Variants in PTPRG observed in about 807,000 individuals in gnomAD.
PTPRG encodes receptor-type tyrosine-protein phosphatase gamma.
A neutral mutation model predicts 165.3 loss-of-function variants in PTPRG; 102 were observed. The ratio of observed to expected loss-of-function variants is 0.62; its 90% confidence interval spans 0.53 to 0.73. The LOEUF is 0.73. PTPRG is among the 30% of genes least tolerant of loss of function. The pLI, the probability that PTPRG is intolerant of heterozygous loss-of-function variation, is 0.00. For missense variants in PTPRG, 1,866 were observed against 1,861.4 expected (o/e 1.00, Z -0.05); for synonymous variants, 675 against 669.5 (o/e 1.01, Z -0.13).
intron 17 of PTPRG, among the ~76,000 whole-genome samples, chr3:62,266,220 T>TTGCC (rs1701869940): frequency 6.6e-6 from 1 of 152,156 alleles, no homozygotes; most frequent in Non-Finnish European, 1.5e-5. Flanking sequence ...TCTGGGCACA[T>TTGCC]TGCCTGCCTT....
chr3:61,572,466 C>T (rs1274149428), intron 1 of PTPRG, among the ~76,000 whole-genome samples: 1 of 152,090 alleles, frequency 6.6e-6, no homozygotes, highest in Non-Finnish European at 1.5e-5. Flanking sequence ...AAAGGACAGG[C>T]ATTTATTTGG....
chr3:62,071,535 G>A (rs868777072), intron 4 of PTPRG, among the ~76,000 whole-genome samples: 12 of 152,034 alleles, frequency 7.9e-5, no homozygotes, highest in South Asian at 2.1e-4. Flanking sequence ...CTTTTATTTC[G>A]TGATACACTC....
rs144293338 is a variant in PTPRG at position 61,850,061 on chromosome 3, C to CT, written c.190+101080dup. Among the ~76,000 whole-genome samples the CT allele has an allele frequency of 8.5e-3, 1,298 of 152,278 alleles. 16 individuals are homozygous for CT. Among genetic ancestry groups the CT allele is most frequent in the Non-Finnish European group, 0.014 (982 of 68,012 alleles). On this transcript the variant is annotated intron_variant, in intron 2 of 29. Transcript: ENST00000474889. ...TTCTCCCCTTCTTCTCAAATAAAAGCTAGCACTAGTTTTGTGCATATACTA... is the reference window on the plus strand; with the variant it reads ...TTCTCCCCTTCTTCTCAAATAAAAGCTTAGCACTAGTTTTGTGCATATACTA...
At chr3:62,046,322 G>A (rs975785044) in intron 4 of PTPRG, among the ~76,000 whole-genome samples, 3 of 152,176 alleles carry the variant, frequency 2.0e-5, no homozygotes, top group African/African-American at 7.2e-5. Context: ...CGTGTGTGGG[G>A]ATGGACCCTC....
chr3:61,680,504 A>T (rs1703394664), intron 1 of PTPRG, among the ~76,000 whole-genome samples: 1 of 109,418 alleles, frequency 9.1e-6, no homozygotes, highest in Non-Finnish European at 2.2e-5. Flanking sequence ...GCTTTATGAA[A>T]AAAAAAAAAA....
intron 5 of PTPRG, among the ~76,000 whole-genome samples, chr3:62,119,068 G>A (rs1170310508): frequency 1.3e-5 from 2 of 152,202 alleles, no homozygotes; most frequent in Non-Finnish European, 2.9e-5. Context: ...TAAAGTGCAA[G>A]CCCTGCCCTC....
intron 1 of PTPRG, among the ~76,000 whole-genome samples, chr3:61,747,932 C>T (rs548512012): frequency 1.3e-5 from 2 of 152,100 alleles, no homozygotes; most frequent in Non-Finnish European, 2.9e-5. Context: ...TCTTCTTATA[C>T]ATCAGTGTTT....
At chr3:61,926,914 G>T (rs2039228295) in intron 2 of PTPRG, among the ~76,000 whole-genome samples, 1 of 151,734 alleles carries the variant, frequency 6.6e-6, no homozygotes, top group African/African-American at 2.4e-5. Context: ...AAACAGTTCG[G>T]GGGGAAGAAA....
At chr3:61,822,014 G>C (rs2035971824) in intron 2 of PTPRG, among the ~76,000 whole-genome samples, 2 of 152,294 alleles carry the variant, frequency 1.3e-5, no homozygotes, top group South Asian at 4.1e-4. Flanking sequence ...TTCATCATCA[G>C]GGATTAAGTA....
chr3:62,069,684 T>TCTCTCTCTCTCTCA (rs542306888), intron 4 of PTPRG, among the ~76,000 whole-genome samples: 1 of 144,952 alleles, frequency 6.9e-6, no homozygotes, highest in African/African-American at 2.7e-5. Context: ...TCTCTCTCTC[T>TCTCTCTCTCTCTCA]CACACACAGA....
chr3:61,625,345 T>G (rs948277828), intron 1 of PTPRG, among the ~76,000 whole-genome samples: 6 of 152,162 alleles, frequency 3.9e-5, no homozygotes, highest in Non-Finnish European at 8.8e-5. Flanking sequence ...TACTTCTTCA[T>G]GAAAAATTGC....
At position 61,817,846 on chromosome 3, in the gene PTPRG, A is replaced by G. The variant is rs76129738; in HGVS notation, c.190+68864A>G. Among the ~76,000 whole-genome samples the G allele has an allele frequency of 1.5e-4, 23 of 152,318 alleles. 1 individual carries two copies. In the East Asian group the frequency reaches 4.0e-3, roughly 27 times the overall value. ...CAAGATGTGGTGATTTTGGGGCTCT[A>G]TCATTTTCCAAACTAATAACCTGAA... is the stretch of plus-strand genomic sequence containing the variant. On this transcript the variant is annotated intron_variant, in intron 2 of 29. Transcript: ENST00000474889.
chr3:62,255,200 C>T lies in PTPRG; in HGVS notation c.2544C>T (p.Phe848=), dbSNP rs1398798295. The T allele has an allele frequency of 6.2e-7, 1 of 1,611,838 alleles. No individual in the cohort carries two copies. Among genetic ancestry groups the T allele is most frequent in the South Asian group, 1.1e-5 (1 of 90,816 alleles). ...TCTATTCTAATAACCAGCATGGGTT[C>T]TCTGAGGATTTTGAGGTATGTTTCA... ...GELYSNNQHG[F]SEDFEEVQRC... is the part of the protein sequence containing the mutation. Residue 848 remains phenylalanine, a synonymous_variant, in exon 16 of 30, where the codon TTC becomes TTT. Coordinates refer to ENST00000474889, the MANE Select transcript of PTPRG (RefSeq NM_002841.4). The surrounding 1 kb of genome is among the most constrained non-coding windows in gnomAD (Gnocchi z 4.0).
intron 2 of PTPRG, among the ~76,000 whole-genome samples, chr3:61,928,916 G>A (rs949859468): frequency 2.6e-5 from 4 of 152,158 alleles, no homozygotes; most frequent in African/African-American, 7.2e-5. Flanking sequence ...TACTCCTGGG[G>A]ACATTTGGCA....
In PTPRG at chr3:62,262,752, C is replaced by G. The variant is rs751567007; in HGVS notation, c.2560-46C>G. 6 of 1,458,738 alleles carry G rather than the reference C, an allele frequency of 4.1e-6. No individual in the cohort carries two copies. In the Middle Eastern group the frequency reaches 5.2e-4, roughly 127 times the overall value. The allele number at this position is 1,458,738 out of a possible 1,614,324, so 90.4% of individuals were successfully genotyped here. ...ATGCCTTTAAATGTATATGGTGTTC[C>G]TTTGTTTCTAAACTGTGTCTATAAT... On this transcript the variant is annotated intron_variant, in intron 16 of 29. Coordinates refer to ENST00000474889, the MANE Select transcript of PTPRG (RefSeq NM_002841.4).
intron 2 of PTPRG, among the ~76,000 whole-genome samples, chr3:61,795,323 A>G (rs1259789940): frequency 1.3e-5 from 2 of 152,094 alleles, no homozygotes; most frequent in Non-Finnish European, 2.9e-5. Context: ...ACCTCACTAA[A>G]TCTTACTTTT....
chr3:61,955,963 A>G (rs2040017352), intron 2 of PTPRG, among the ~76,000 whole-genome samples: 1 of 152,104 alleles, frequency 6.6e-6, no homozygotes, highest in African/African-American at 2.4e-5. Flanking sequence ...TGTTATGCTC[A>G]CTAAAGAACA....
intron 2 of PTPRG, among the ~76,000 whole-genome samples, chr3:61,911,519 T>C (rs773730943): frequency 1.3e-5 from 2 of 152,216 alleles, no homozygotes; most frequent in Non-Finnish European, 2.9e-5. Context: ...ATTGAATAAA[T>C]ATACTTAAAT....
At chr3:61,793,193 A>G (rs1575667920) in intron 2 of PTPRG, among the ~76,000 whole-genome samples, 2 of 152,152 alleles carry the variant, frequency 1.3e-5, no homozygotes, top group South Asian at 2.1e-4. Context: ...CAGTTCTACT[A>G]TGGCTGTCTG....
Sources: allele counts gnomAD v4.1 joint callset (sites outside exome capture counted in the v4.1 genomes callset), GRCh38; gene constraint gnomAD v4.1.1; non-coding constraint Gnocchi (gnomAD v3.1); transcripts MANE v1.5; gene names NCBI Gene and HGNC (gene_info 2026-07-23, HGNC 2026-07-21).